Variants in SMCO4 observed in about 807,000 individuals in gnomAD.
SMCO4 encodes the protein single-pass membrane and coiled-coil domain-containing protein 4.
A neutral mutation model predicts 3.6 loss-of-function variants in SMCO4; 4 were observed. The observed-to-expected ratio is 1.11, with a 90% CI of 0.54 to 2.53. The LOEUF is 2.53. Among genes scored for constraint, SMCO4 ranks in the 30% most tolerant of loss-of-function variants. The pLI, the probability that SMCO4 is intolerant of heterozygous loss-of-function variation, is 0.02. For missense variants in SMCO4, 70 were observed against 80.8 expected (o/e 0.87, Z 0.51); for synonymous variants, 36 against 35.3 (o/e 1.02, Z -0.07).
chr11:93,498,404 G>C (rs2134592977), intron 2 of SMCO4, among the ~76,000 whole-genome samples: 1 of 152,238 alleles, frequency 6.6e-6, no homozygotes, highest in East Asian at 1.9e-4. Context: ...TGGAGAAGGT[G>C]ATCCACCTGT....
At chr11:93,547,375 T>C (rs1591335722), upstream of SMCO4, among the ~76,000 whole-genome samples, 1 of 152,320 alleles carries the variant, frequency 6.6e-6, no homozygotes, top group Middle Eastern at 3.4e-3. Context: ...TGATCAAGGA[T>C]AACAAAACCA....
upstream of SMCO4, among the ~76,000 whole-genome samples, chr11:93,548,097 GCCT>G (rs573025615): frequency 7.2e-4 from 110 of 152,316 alleles, no homozygotes; most frequent in South Asian, 0.023. Context: ...CCCTGTTCAT[GCCT>G]GGCTGTGCAT....
At chr11:93,483,246 G>A (rs1948612113) in intron 2 of SMCO4, among the ~76,000 whole-genome samples, 1 of 152,290 alleles carries the variant, frequency 6.6e-6, no homozygotes, top group East Asian at 1.9e-4. Flanking sequence ...CTTTTGGAGG[G>A]TGGAAAGGCC....
intron 1 of SMCO4, among the ~76,000 whole-genome samples, chr11:93,504,549 A>G (rs1403623635): frequency 1.3e-5 from 2 of 152,242 alleles, no homozygotes; most frequent in Middle Eastern, 3.2e-3. Context: ...ATTTCTCTGT[A>G]GGTGACTTTG....
chr11:93,481,036 C>T, intron 2 of SMCO4, among the ~76,000 whole-genome samples: 1 of 91,494 alleles, frequency 1.1e-5, no homozygotes, highest in South Asian at 6.7e-4. Flanking sequence ...AAATAAGGAA[C>T]AGAGAGAAAA....
chr11:93,499,210 G>C (rs1948809936), intron 2 of SMCO4, 66 bp downstream of exon 2: 1 of 152,222 alleles, frequency 6.6e-6, no homozygotes, highest in Non-Finnish European at 1.5e-5. Context: ...CTAGGCATAT[G>C]AGAGAAATGA....
chr11:93,489,558 A>G (rs1352538017), intron 2 of SMCO4, among the ~76,000 whole-genome samples: 3 of 152,222 alleles, frequency 2.0e-5, no homozygotes, highest in African/African-American at 7.2e-5. Flanking sequence ...GGATGGCACC[A>G]ACCGCGCAGG....
rs370482581 is a variant in SMCO4 at position 93,495,297 on chromosome 11, A to C, written c.-81+3979T>G. Among the ~76,000 whole-genome samples the C allele has an allele frequency of 5.9e-5, 9 of 152,044 alleles. No homozygotes were observed. In the East Asian group the frequency reaches 1.2e-3, roughly 20 times the overall value. ...TATTCCCATTACAAACTTTGCTGTA[A>C]CTCATCAGGCCACAGTGTACCAAAC... is the stretch of plus-strand genomic sequence containing the variant. On this transcript the variant is annotated intron_variant, in intron 2 of 2. Transcript: ENST00000298966.
At chr11:93,550,077 C>A in the SMCO4 span, among the ~76,000 whole-genome samples, 1 of 152,122 alleles carries the variant, frequency 6.6e-6, no homozygotes, top group African/African-American at 2.4e-5. Context: ...GCTTACTGCC[C>A]TGTTTTCTGA....
chr11:93,487,093 C>T (rs1333575051), intron 2 of SMCO4, among the ~76,000 whole-genome samples: 1 of 152,168 alleles, frequency 6.6e-6, no homozygotes, highest in African/African-American at 2.4e-5. Context: ...AGGGAAGCTG[C>T]CCTGGGTTCA....
intron 1 of SMCO4, among the ~76,000 whole-genome samples, chr11:93,539,739 A>G (rs1486875854): frequency 6.6e-6 from 1 of 152,164 alleles, no homozygotes; most frequent in Non-Finnish European, 1.5e-5. Context: ...CAAAAACTTC[A>G]GAGTCCCAAA....
chr11:93,480,409 C>A (rs1271331219), intron 2 of SMCO4, among the ~76,000 whole-genome samples: 3 of 152,278 alleles, frequency 2.0e-5, no homozygotes, highest in Non-Finnish European at 4.4e-5. Flanking sequence ...GAACTCGCCA[C>A]CCCCCAGCAT....
chr11:93,478,753 A>G lies in SMCO4; in HGVS notation c.*257T>C, dbSNP rs1948550348. On this transcript the variant is annotated 3_prime_UTR_variant, in exon 3 of 3. Transcript: ENST00000298966. ...CACACACACACACACACACACACACATGCGCGCGCGCTTTGAAGTCTGAAA... is the reference window on the plus strand; with the variant it reads ...CACACACACACACACACACACACACGTGCGCGCGCGCTTTGAAGTCTGAAA... The G allele has an allele frequency of 4.2e-6, 3 of 707,216 alleles. No homozygotes were observed. In the Admixed American group the frequency reaches 1.2e-4, roughly 29 times the overall value. 43.8% of individuals were successfully genotyped at this position (707,216 alleles called of 1,614,324 possible).
At chr11:93,481,728 G>A (rs1403609696) in intron 2 of SMCO4, among the ~76,000 whole-genome samples, 1 of 152,152 alleles carries the variant, frequency 6.6e-6, no homozygotes, top group Non-Finnish European at 1.5e-5. Context: ...TCTCCGACAC[G>A]GCCTCAAAAA....
chr11:93,539,332 C>T (rs1344516122), intron 1 of SMCO4, among the ~76,000 whole-genome samples: 1 of 150,928 alleles, frequency 6.6e-6, no homozygotes, highest in Non-Finnish European at 1.5e-5. Context: ...TAGGCCACCA[C>T]AATGTGAAAG....
chr11:93,511,643 T>C lies in SMCO4; in HGVS notation c.-153-12295A>G, dbSNP rs534781585. ...GAGCGCACCTTGGGATGAAACTGTG[T>C]CCTACGCAGGGTGTGCTTATCACCT... On this transcript the variant is annotated intron_variant, in intron 1 of 2. Transcript: ENST00000298966. 8.5e-5 allele frequency among the ~76,000 whole-genome samples: 13 copies of C among 152,260 alleles called. No homozygotes were observed. The East Asian group carries it at 2.5e-3, about 29-fold the overall frequency.
rs560783089 is a variant in SMCO4 at position 93,532,500 on chromosome 11, C to T, written c.-154+10776G>A. On this transcript the variant is annotated intron_variant, in intron 1 of 2. Coordinates refer to ENST00000298966, the MANE Select transcript of SMCO4 (RefSeq NM_020179.3). The stretch of plus-strand genomic sequence containing the variant: ...TGGACGGAGTCCCGCTGCCAGCCTT[C>T]CTTGTTCTCCAGCCTGCAGACACCC... Among the ~76,000 whole-genome samples, 104 of 152,346 alleles carry T rather than the reference C, an allele frequency of 6.8e-4. 1 individual carries two copies. Among genetic ancestry groups the T allele is most frequent in the African/African-American group, 2.4e-3 (100 of 41,584 alleles).
chr11:93,520,073 C>T (rs1949043873), intron 1 of SMCO4, among the ~76,000 whole-genome samples: 1 of 152,182 alleles, frequency 6.6e-6, no homozygotes, highest in Admixed American at 6.5e-5. Context: ...GGACTCAAAC[C>T]CTTGCAGCCC....
intron 1 of SMCO4, among the ~76,000 whole-genome samples, chr11:93,509,998 A>T (rs1948943297): frequency 1.3e-5 from 2 of 152,226 alleles, no homozygotes; most frequent in Non-Finnish European, 2.9e-5. Flanking sequence ...CAATTAAAAG[A>T]CTAGTTATAA....
Sources: allele counts gnomAD v4.1 joint callset (sites outside exome capture counted in the v4.1 genomes callset), GRCh38; gene constraint gnomAD v4.1.1; transcripts MANE v1.5; gene names NCBI Gene and HGNC (gene_info 2026-07-23, HGNC 2026-07-21).